Variants in NELL2 observed in about 807,000 individuals in gnomAD.
NELL2 encodes the protein protein kinase C-binding protein NELL2.
Under a neutral mutation model 109.6 loss-of-function variants are expected in NELL2, and 41 were observed. That is an observed-to-expected ratio of 0.37 (90% CI 0.29 to 0.49). The LOEUF (loss-of-function observed/expected upper bound fraction) is 0.49, where lower values mean the gene tolerates loss of function less well. Ranked by LOEUF, NELL2 falls within the 20% of genes least tolerant of loss-of-function variation. The pLI is 0.98. For synonymous variants in NELL2, 355 were observed against 344.7 expected, an observed-to-expected ratio of 1.03 and a Z score of -0.33; for missense variants, 900 against 1,008.3, an observed-to-expected ratio of 0.89 and a Z score of 1.45.
chr12:44,840,116 C>A (rs893361005), intron 2 of NELL2, among the ~76,000 whole-genome samples: 8 of 152,274 alleles, frequency 5.3e-5, no homozygotes, highest in Middle Eastern at 6.8e-3. Flanking sequence ...CTGCAATGTC[C>A]TCCCTTATCT....
At chr12:44,864,415 A>G (rs531398296) in intron 2 of NELL2, among the ~76,000 whole-genome samples, 13 of 152,210 alleles carry the variant, frequency 8.5e-5, no homozygotes, top group Non-Finnish European at 1.3e-4. Flanking sequence ...ATAGAACAGG[A>G]TAGCTATACT....
At chr12:44,738,600 T>G (rs1442521806) in intron 9 of NELL2, among the ~76,000 whole-genome samples, 1 of 151,796 alleles carries the variant, frequency 6.6e-6, no homozygotes, top group Non-Finnish European at 1.5e-5. Context: ...ATGTGGAAAC[T>G]AAAAAAGTCA....
At chr12:44,597,487 AG>A (rs1945013916) in intron 15 of NELL2, among the ~76,000 whole-genome samples, 1 of 152,198 alleles carries the variant, frequency 6.6e-6, no homozygotes, top group South Asian at 2.1e-4. Flanking sequence ...TTTTAATTAT[AG>A]GTTAAGTTTG....
At chr12:44,879,544 A>G (rs541847748), upstream of NELL2, among the ~76,000 whole-genome samples, 188 of 152,112 alleles carry the variant, frequency 1.2e-3, 1 homozygote, top group African/African-American at 4.5e-3. Flanking sequence ...AAAAAGACAT[A>G]GCAGAAGATG....
Position 44,711,313 on chromosome 12 carries a change from T to C in NELL2, c.1168A>G (p.Ser390Gly). The change falls in exon 11 of 20, where the codon AGC (serine) becomes GGC (glycine). Residue 390 changes from serine to glycine, a missense_variant. By Grantham distance (56) the Ser-to-Gly change is moderately conservative. Transcript: ENST00000429094. ...TTACCTTTACAAACTTTGCAACAGCTGTGAGACAAGGTTATCTGATGAGAC... is the reference window on the plus strand; with the variant it reads ...TTACCTTTACAAACTTTGCAACAGCCGTGAGACAAGGTTATCTGATGAGAC... ...PESHQITLSH[S>G]CCKVCKGYDF... The C allele has an allele frequency of 6.2e-7, 1 of 1,612,464 alleles. No individual in the cohort carries two copies. Among genetic ancestry groups the C allele is most frequent in the Non-Finnish European group, 8.5e-7 (1 of 1,178,820 alleles).
chr12:44,510,297 T>G (rs895831850), intron 19 of NELL2, among the ~76,000 whole-genome samples: 4 of 152,188 alleles, frequency 2.6e-5, no homozygotes, highest in African/African-American at 9.7e-5. Context: ...TTCCTATTAA[T>G]AGTCACACGT....
chr12:44,868,937 T>C (rs1945087168), intron 2 of NELL2, among the ~76,000 whole-genome samples: 1 of 152,220 alleles, frequency 6.6e-6, no homozygotes, highest in African/African-American at 2.4e-5. Context: ...ATTAGCTCAA[T>C]TTAGCCATTC....
intron 2 of NELL2, among the ~76,000 whole-genome samples, chr12:44,846,968 G>C (rs948875027): frequency 6.6e-6 from 1 of 152,238 alleles, no homozygotes; most frequent in Admixed American, 6.5e-5. Context: ...CAGGACTTCT[G>C]AAAGTGGCTT....
At chr12:44,910,567 A>G (rs1167057420) in intron 1 of NELL2, among the ~76,000 whole-genome samples, 1 of 152,018 alleles carries the variant, frequency 6.6e-6, no homozygotes, top group South Asian at 2.1e-4. Flanking sequence ...CAAAGAATCT[A>G]AAACAGAACT....
At chr12:44,541,939 C>T (rs1942592155) in intron 15 of NELL2, among the ~76,000 whole-genome samples, 1 of 152,102 alleles carries the variant, frequency 6.6e-6, no homozygotes, top group South Asian at 2.1e-4. Flanking sequence ...AAGATCTAAG[C>T]CCAGATATTT....
At chr12:44,688,814 G>A (rs1449681437) in intron 12 of NELL2, among the ~76,000 whole-genome samples, 1 of 152,168 alleles carries the variant, frequency 6.6e-6, no homozygotes, top group Non-Finnish European at 1.5e-5. Flanking sequence ...GAATGACTAT[G>A]TACAAGGAAT....
At chr12:44,632,663 T>TACATTTAATTAATGTTAGTC (rs1364696747) in intron 13 of NELL2, among the ~76,000 whole-genome samples, 1 of 152,010 alleles carries the variant, frequency 6.6e-6, no homozygotes, top group Non-Finnish European at 1.5e-5. Flanking sequence ...AAATGTTGAC[T>TACATTTAATTAATGTTAGTC]AACATTTAAT....
At chr12:44,626,759 GC>G (rs1946281031) in intron 13 of NELL2, among the ~76,000 whole-genome samples, 1 of 151,898 alleles carries the variant, frequency 6.6e-6, no homozygotes, top group Admixed American at 6.6e-5. Flanking sequence ...CATATCCAAG[GC>G]CACAGTTAAT....
At chr12:44,874,863 C>T (rs529437629) in intron 2 of NELL2, 2 of 178,886 alleles carry the variant, frequency 1.1e-5, no homozygotes, top group Non-Finnish European at 2.4e-5. Context: ...AGTGTCTTAA[C>T]TAAGATTAAG....
intron 2 of NELL2, among the ~76,000 whole-genome samples, chr12:44,850,693 T>C (rs1944508155): frequency 1.3e-5 from 2 of 152,178 alleles, no homozygotes; most frequent in South Asian, 4.1e-4. Context: ...CTCAGAGTCA[T>C]TGCAAAATCT....
intron 2 of NELL2, among the ~76,000 whole-genome samples, chr12:44,874,359 T>G (rs141832311): frequency 3.3e-5 from 5 of 152,210 alleles, no homozygotes; most frequent in Non-Finnish European, 5.9e-5. Flanking sequence ...TCACCATACA[T>G]GAATCTAGTC....
intron 15 of NELL2, among the ~76,000 whole-genome samples, chr12:44,534,203 T>C (rs10880649): frequency 0.58 from 88,662 of 151,840 alleles, 26,033 homozygotes; most frequent in East Asian, 0.72. Flanking sequence ...TGAATAAATG[T>C]ATACATAAGT....
intron 13 of NELL2, among the ~76,000 whole-genome samples, chr12:44,653,844 A>T (rs952062845): frequency 4.6e-5 from 7 of 152,224 alleles, no homozygotes; most frequent in Non-Finnish European, 1.0e-4. Flanking sequence ...ATGTCTATAG[A>T]CTGTCAGAAA....
chr12:44,848,295 AG>A (rs1289563282), intron 2 of NELL2, among the ~76,000 whole-genome samples: 1 of 152,166 alleles, frequency 6.6e-6, no homozygotes, highest in Admixed American at 6.5e-5. Flanking sequence ...CCAACCTCCC[AG>A]GCTAGGCTCA....
Sources: allele counts gnomAD v4.1 joint callset (sites outside exome capture counted in the v4.1 genomes callset), GRCh38; gene constraint gnomAD v4.1.1; transcripts MANE v1.5; gene names NCBI Gene and HGNC (gene_info 2026-07-23, HGNC 2026-07-21).